Variants in FRAS1 observed in about 807,000 individuals in gnomAD.
The protein encoded by FRAS1 is extracellular matrix organizing protein FRAS1.
A neutral mutation model predicts 435.2 loss-of-function variants in FRAS1; 290 were observed. The ratio of observed to expected loss-of-function variants is 0.67; its 90% CI spans 0.61 to 0.73. FRAS1 has a LOEUF of 0.73. Among genes scored for constraint, FRAS1 ranks in the 30% least tolerant of loss-of-function variants. The pLI is 0.00. For synonymous variants in FRAS1, 1,800 were observed against 1,851.0 expected (o/e 0.97, Z 0.71); for missense variants, 4,860 against 5,001.5 (o/e 0.97, Z 0.85).
chr4:78,171,366 T>C (rs1721550142), intron 2 of FRAS1, among the ~76,000 whole-genome samples: 1 of 152,168 alleles, frequency 6.6e-6, no homozygotes, highest in Admixed American at 6.5e-5. Context: ...TTAATCACCA[T>C]TCTCTACTGC....
At chr4:78,534,987 C>A (rs1345713183) in intron 71 of FRAS1, among the ~76,000 whole-genome samples, 1 of 152,208 alleles carries the variant, frequency 6.6e-6, no homozygotes, top group Non-Finnish European at 1.5e-5. Context: ...TGTTCTCCAT[C>A]ATGCTTTCTC....
chr4:78,223,566 G>A (rs1312918322), intron 2 of FRAS1, among the ~76,000 whole-genome samples: 1 of 152,002 alleles, frequency 6.6e-6, no homozygotes, highest in African/African-American at 2.4e-5. Context: ...ACACTTTAGG[G>A]TAGATTATGT....
Position 78,526,675 on chromosome 4 carries a change from A to G in FRAS1, c.10925+18A>G. 9 of 1,419,188 alleles carry G rather than the reference A, an allele frequency of 6.3e-6. No individual in the cohort carries two copies. Among genetic ancestry groups the G allele is most frequent in the Non-Finnish European group, 6.7e-6 (7 of 1,050,204 alleles). 87.9% of individuals were successfully genotyped at this position (1,419,188 alleles called of 1,614,324 possible). A position where few individuals can be genotyped will look rare whatever the true frequency, so the allele number is the denominator to read the frequency against. ...CCAGAAAGGTAGGAAAATATAGTCA[A>G]TCCTCATTATTTGTTGATTCCTTAT... On this transcript the variant is annotated intron_variant, in intron 70 of 73. Transcript: ENST00000512123.
intron 2 of FRAS1, among the ~76,000 whole-genome samples, chr4:78,188,293 C>CTATCTATCTATCTATA (rs1722368400): frequency 1.8e-4 from 2 of 10,886 alleles, no homozygotes; most frequent in African/African-American, 2.0e-4. Context: ...ATCTATCTAT[C>CTATCTATCTATCTATA]TATCTATCTA....
chr4:78,118,273 G>A (rs1718778549), intron 2 of FRAS1, among the ~76,000 whole-genome samples: 1 of 152,202 alleles, frequency 6.6e-6, no homozygotes, highest in Non-Finnish European at 1.5e-5. Flanking sequence ...GCTACTCGGG[G>A]ACCAGGGACC....
intron 2 of FRAS1, among the ~76,000 whole-genome samples, chr4:78,223,575 G>A (rs1724143327): frequency 6.6e-6 from 1 of 152,076 alleles, no homozygotes; most frequent in South Asian, 2.1e-4. Flanking sequence ...GGTAGATTAT[G>A]TTGGCTTAGT....
intron 2 of FRAS1, among the ~76,000 whole-genome samples, chr4:78,079,044 C>T (rs763148219): frequency 1.3e-5 from 2 of 152,002 alleles, no homozygotes; most frequent in African/African-American, 2.4e-5. Flanking sequence ...AGTAAATCAT[C>T]GTAGATTAAC....
At chr4:78,366,530 A>G (rs964249931) in intron 22 of FRAS1, among the ~76,000 whole-genome samples, 8 of 152,222 alleles carry the variant, frequency 5.3e-5, no homozygotes, top group Non-Finnish European at 1.2e-4. Flanking sequence ...CCCAGAGCCA[A>G]TGGAGTATTG....
chr4:78,482,043 C>G, intron 57 of FRAS1, 79 bp downstream of exon 57: 1 of 1,385,628 alleles, frequency 7.2e-7, no homozygotes, highest in Non-Finnish European at 1.0e-6. Context: ...TTCCCAAGCT[C>G]TCTAAACTCC....
intron 9 of FRAS1, among the ~76,000 whole-genome samples, chr4:78,277,042 C>T (rs1488250971): frequency 6.6e-6 from 1 of 152,214 alleles, no homozygotes; most frequent in Admixed American, 6.5e-5. Flanking sequence ...GCCTCACTGC[C>T]ACCTTGCAGT....
At chr4:78,420,065 G>T (rs1733710764) in intron 33 of FRAS1, among the ~76,000 whole-genome samples, 1 of 152,100 alleles carries the variant, frequency 6.6e-6, no homozygotes, top group African/African-American at 2.4e-5. Flanking sequence ...ATGGCATCAA[G>T]GTCCAGTAGA....
chr4:78,244,266 G>GCA (rs150065328), intron 3 of FRAS1, among the ~76,000 whole-genome samples: 13 of 150,476 alleles, frequency 8.6e-5, no homozygotes, highest in South Asian at 4.2e-4. Context: ...TAACACACAC[G>GCA]CACACACACA....
At chr4:78,127,096 A>G (rs958397502) in intron 2 of FRAS1, among the ~76,000 whole-genome samples, 1 of 151,972 alleles carries the variant, frequency 6.6e-6, no homozygotes, top group African/African-American at 2.4e-5. Context: ...TCATGGAAAC[A>G]AGAATCTTAA....
intron 73 of FRAS1, among the ~76,000 whole-genome samples, 169 bp downstream of exon 73, chr4:78,539,609 C>T (rs1721988481): frequency 6.6e-6 from 1 of 151,782 alleles, no homozygotes; most frequent in Non-Finnish European, 1.5e-5. Context: ...AAAATTTTCA[C>T]ATGTATCCCC....
chr4:78,511,350 T>C lies in FRAS1; in HGVS notation c.9857T>C (p.Val3286Ala), dbSNP rs777370536. ...VAKAVDKVGH[V>A]GTPLRSNIVT... ...AAGGCTGTGGACAAGGTGGGCCATG[T>C]GGGGACCCCCTTAAGGAGCAACATT... is the stretch of plus-strand genomic sequence containing the variant. Residue 3286 changes from valine to alanine, a missense_variant, in exon 64 of 74, where the codon GTG becomes GCG. Val to Ala is a moderately conservative substitution (Grantham distance 64, BLOSUM62 0). Transcript: ENST00000512123. The C allele has an allele frequency of 5.6e-6, 9 of 1,613,706 alleles. No individual in the cohort carries two copies.
At chr4:78,084,907 C>A (rs902472835) in intron 2 of FRAS1, among the ~76,000 whole-genome samples, 1 of 152,022 alleles carries the variant, frequency 6.6e-6, no homozygotes, top group Non-Finnish European at 1.5e-5. Context: ...CCTATGCTTC[C>A]ATTAAAAATT....
At chr4:78,513,596 G>A (rs1371668936) in intron 65 of FRAS1, 44 bp downstream of exon 65, 2 of 1,562,280 alleles carry the variant, frequency 1.3e-6, no homozygotes, top group Non-Finnish European at 1.8e-6. Flanking sequence ...TGCTAGCCCA[G>A]TGCAGTTGAC....
Position 78,492,694 on chromosome 4 carries a change from T to C in FRAS1, c.8958+3614T>C, listed in dbSNP as rs560109234. Among the ~76,000 whole-genome samples, 58 of 152,260 alleles carry C rather than the reference T, an allele frequency of 3.8e-4. No individual in the cohort carries two copies. The South Asian group carries it at 0.011, about 28-fold the overall frequency. On this transcript the variant is annotated intron_variant, in intron 59 of 73. Transcript: ENST00000512123. ...GTGAGACCTAAAACCATAAAAATCCTAGAAGTAAACATAGGCAATACCATT... is the reference window on the plus strand; with the variant it reads ...GTGAGACCTAAAACCATAAAAATCCCAGAAGTAAACATAGGCAATACCATT...
chr4:78,486,264 C>T (rs985023739), intron 58 of FRAS1, among the ~76,000 whole-genome samples: 10 of 152,138 alleles, frequency 6.6e-5, no homozygotes, highest in Non-Finnish European at 1.2e-4. Context: ...AGAAGATTAG[C>T]GAGGTAACAG....
Sources: allele counts gnomAD v4.1 joint callset (sites outside exome capture counted in the v4.1 genomes callset), GRCh38; gene constraint gnomAD v4.1.1; transcripts MANE v1.5; gene names NCBI Gene and HGNC (gene_info 2026-07-23, HGNC 2026-07-21).